Variants in MYO5B observed in about 807,000 individuals in gnomAD.
MYO5B encodes the protein unconventional myosin-Vb.
A neutral mutation model predicts 229.3 loss-of-function variants in MYO5B; 143 were observed. That is an observed-to-expected ratio of 0.62 (90% CI 0.54 to 0.72). MYO5B has a LOEUF of 0.72. Among genes scored for constraint, MYO5B ranks in the 30% least tolerant of loss-of-function variants. MYO5B has a pLI of 0.00. For missense variants in MYO5B, 2,321 were observed against 2,331.0 expected (o/e 1.00, Z 0.09); for synonymous variants, 918 against 885.2 (o/e 1.04, Z -0.66).
chr18:49,871,545 GTTAT>G (rs2024455914), intron 27 of MYO5B: 1 of 156,186 alleles, frequency 6.4e-6, no homozygotes, highest in Non-Finnish European at 1.4e-5. Context: ...TTTTTGACAA[GTTAT>G]TTATTTTTTG....
intron 23 of MYO5B, among the ~76,000 whole-genome samples, chr18:49,879,822 G>A (rs965379581): frequency 8.5e-5 from 13 of 152,204 alleles, no homozygotes; most frequent in South Asian, 2.1e-4. Flanking sequence ...ACTTGAGAGA[G>A]GCTGACCTGG....
At chr18:50,044,370 G>A (rs144275457) in intron 2 of MYO5B, among the ~76,000 whole-genome samples, 2 of 152,190 alleles carry the variant, frequency 1.3e-5, no homozygotes, top group East Asian at 1.9e-4. Context: ...CTTAGTGATC[G>A]CAGCCATGAA....
chr18:50,172,288 C>CAAAAAAAAAAAAAAA (rs55973734), intron 1 of MYO5B, among the ~76,000 whole-genome samples: 2 of 90,504 alleles, frequency 2.2e-5, no homozygotes, highest in African/African-American at 4.0e-5. Context: ...CAAAAAAAGA[C>CAAAAAAAAAAAAAAA]AAAAAAAAAA....
chr18:50,191,573 G>A (rs951387), intron 1 of MYO5B, among the ~76,000 whole-genome samples: 133,108 of 152,226 alleles, frequency 0.87, 58,308 homozygotes, highest in Middle Eastern at 0.9. Flanking sequence ...CAAATTGAGT[G>A]TTTTCTCCTA....
intron 12 of MYO5B, among the ~76,000 whole-genome samples, chr18:49,960,203 C>A (rs2025542867): frequency 6.6e-6 from 1 of 152,222 alleles, no homozygotes; most frequent in Non-Finnish European, 1.5e-5. Context: ...TGCTTCTGCA[C>A]CATGAGTCCA....
chr18:49,991,561 G>T (rs937606420), intron 6 of MYO5B, among the ~76,000 whole-genome samples: 1 of 152,138 alleles, frequency 6.6e-6, no homozygotes, highest in African/African-American at 2.4e-5. Flanking sequence ...GGAAACTAAA[G>T]GTAAGCGAAG....
intron 4 of MYO5B, among the ~76,000 whole-genome samples, chr18:50,013,813 G>A (rs2026187825): frequency 6.6e-6 from 1 of 152,164 alleles, no homozygotes; most frequent in Non-Finnish European, 1.5e-5. Context: ...TCACAGAGAC[G>A]GTAAGAGTAC....
chr18:50,043,515 A>G (rs1335628715), intron 2 of MYO5B, among the ~76,000 whole-genome samples: 1 of 112,352 alleles, frequency 8.9e-6, no homozygotes, highest in Admixed American at 1.0e-4. Context: ...AAATATATTT[A>G]TAAGTATATA....
chr18:50,129,766 G>A (rs1236265020), intron 1 of MYO5B, among the ~76,000 whole-genome samples: 6 of 152,158 alleles, frequency 3.9e-5, no homozygotes, highest in Non-Finnish European at 7.4e-5. Flanking sequence ...GAGTGCCAAA[G>A]TTCAAAAATC....
chr18:50,165,786 A>AAAGGAAGGAAGG (rs58511275), intron 1 of MYO5B, among the ~76,000 whole-genome samples: 5 of 150,082 alleles, frequency 3.3e-5, no homozygotes, highest in South Asian at 2.1e-4. Context: ...TGAAAGAAAA[A>AAAGGAAGGAAGG]AAGGAAGGAA....
At chr18:49,983,038 T>A (rs2025833203) in intron 8 of MYO5B, among the ~76,000 whole-genome samples, 1 of 152,124 alleles carries the variant, frequency 6.6e-6, no homozygotes, top group Non-Finnish European at 1.5e-5. Context: ...CTGCACACTG[T>A]CAAGTCTGCT....
intron 4 of MYO5B, among the ~76,000 whole-genome samples, chr18:50,011,877 T>C (rs1416046110): frequency 6.6e-6 from 1 of 151,482 alleles, no homozygotes; most frequent in African/African-American, 2.4e-5. Flanking sequence ...GTACGGTGGG[T>C]ATAGTTAGGG....
chr18:50,130,482 G>T (rs1464787552), intron 1 of MYO5B, among the ~76,000 whole-genome samples: 1 of 152,134 alleles, frequency 6.6e-6, no homozygotes, highest in African/African-American at 2.4e-5. Flanking sequence ...CACACATGCG[G>T]TTCATTTCTG....
chr18:50,131,063 A>G (rs2032247070), intron 1 of MYO5B, among the ~76,000 whole-genome samples: 1 of 152,240 alleles, frequency 6.6e-6, no homozygotes, highest in Non-Finnish European at 1.5e-5. Context: ...ATGAACAGGA[A>G]TCAAGTTCTG....
chr18:50,177,419 C>T (rs1466026105), intron 1 of MYO5B, among the ~76,000 whole-genome samples: 1 of 152,122 alleles, frequency 6.6e-6, no homozygotes, highest in African/African-American at 2.4e-5. Flanking sequence ...TTATATACTC[C>T]CGTCTTTGCC....
chr18:50,032,621 A>T (rs2026402197), intron 4 of MYO5B, among the ~76,000 whole-genome samples: 1 of 152,234 alleles, frequency 6.6e-6, no homozygotes, highest in African/African-American at 2.4e-5. Context: ...GGTGATGAAC[A>T]TATAAGTTGT....
intron 1 of MYO5B, among the ~76,000 whole-genome samples, chr18:50,136,473 C>G (rs901920344): frequency 1.4e-4 from 21 of 148,388 alleles, no homozygotes; most frequent in African/African-American, 5.2e-4. Context: ...GTGCTGACAT[C>G]TTCCCTAGGT....
chr18:50,098,183 C>G (rs1179193490), intron 1 of MYO5B, among the ~76,000 whole-genome samples: 1 of 152,212 alleles, frequency 6.6e-6, no homozygotes, highest in Non-Finnish European at 1.5e-5. Flanking sequence ...TCAAGCAGGT[C>G]AGTTTGTCTA....
chr18:49,883,677 T>C (rs1056643300), intron 22 of MYO5B, among the ~76,000 whole-genome samples: 4 of 151,824 alleles, frequency 2.6e-5, no homozygotes, highest in Admixed American at 6.6e-5. Context: ...CCAAACGATC[T>C]TGAAGAAGAT....
Sources: gnomAD v4.1 joint callset for allele counts (sites outside exome capture counted in the v4.1 genomes callset) on GRCh38, gnomAD v4.1.1 for gene constraint, MANE v1.5 for transcripts, NCBI Gene and HGNC (gene_info 2026-07-23, HGNC 2026-07-21) for gene names.